The following NPAS3 variants were observed in gnomAD, a reference collection of about 807,000 sequenced individuals.
NPAS3 encodes neuronal PAS domain protein 3.
Under a neutral mutation model 73.1 loss-of-function variants are expected in NPAS3, and 14 were observed. The observed-to-expected ratio is 0.19, with a 90% CI of 0.13 to 0.30. The LOEUF is 0.30. Among genes scored for constraint, NPAS3 ranks in the 10% least tolerant of loss-of-function variants. NPAS3 has a pLI of 1.00. For missense variants in NPAS3, 1,096 were observed against 1,250.0 expected, an observed-to-expected ratio of 0.88 and a Z score of 1.86; for synonymous variants, 620 against 541.5, an observed-to-expected ratio of 1.14 and a Z score of -2.01.
intron 2 of NPAS3, among the ~76,000 whole-genome samples, chr14:33,072,102 T>G: frequency 6.6e-6 from 1 of 152,072 alleles, no homozygotes; most frequent in East Asian, 1.9e-4. Flanking sequence ...AGTTGGACAG[T>G]CTGGTCTCAA....
At chr14:33,564,404 T>C (rs1051286795) in intron 5 of NPAS3, among the ~76,000 whole-genome samples, 1 of 152,164 alleles carries the variant, frequency 6.6e-6, no homozygotes, top group Non-Finnish European at 1.5e-5. Flanking sequence ...CTGGAGTCCA[T>C]ATTCACAGCA....
chr14:33,772,895 G>A (rs1032545512), intron 7 of NPAS3, among the ~76,000 whole-genome samples: 1 of 152,106 alleles, frequency 6.6e-6, no homozygotes, highest in Non-Finnish European at 1.5e-5. Context: ...AGCTGCTGCT[G>A]AAATAACCTA....
At chr14:33,374,700 G>A (rs556924818) in intron 4 of NPAS3, among the ~76,000 whole-genome samples, 1,622 of 131,694 alleles carry the variant, frequency 0.012, 14 homozygotes, top group Admixed American at 0.034. Flanking sequence ...GGGGTGTGTC[G>A]GGGCGGGGGG....
At chr14:33,603,714 A>T (rs1163393646) in intron 5 of NPAS3, among the ~76,000 whole-genome samples, 4 of 152,168 alleles carry the variant, frequency 2.6e-5, no homozygotes, top group Non-Finnish European at 1.5e-5. Context: ...ATGATACTGG[A>T]TGTAAATATT....
At chr14:32,979,434 T>C (rs1027744693) in intron 1 of NPAS3, among the ~76,000 whole-genome samples, 2 of 152,168 alleles carry the variant, frequency 1.3e-5, no homozygotes, top group African/African-American at 4.8e-5. Context: ...AAATCCTTTG[T>C]GGTAGGTAGC....
intron 3 of NPAS3, among the ~76,000 whole-genome samples, chr14:33,230,580 A>G (rs1250911346): frequency 2.6e-5 from 4 of 152,206 alleles, no homozygotes; most frequent in African/African-American, 4.8e-5. Context: ...ATATGAAATC[A>G]TATACTCCAA....
intron 1 of NPAS3, among the ~76,000 whole-genome samples, chr14:33,007,067 TCA>T (rs760384574): frequency 6.6e-6 from 1 of 152,226 alleles, no homozygotes; most frequent in South Asian, 2.1e-4. Flanking sequence ...AACGTAGATG[TCA>T]CAGTCAGTGG....
intron 2 of NPAS3, among the ~76,000 whole-genome samples, chr14:33,131,611 A>G (rs1332663611): frequency 6.6e-6 from 1 of 152,048 alleles, no homozygotes; most frequent in South Asian, 2.1e-4. Context: ...CTTTTTTGTC[A>G]TCTAATAATC....
At chr14:33,324,732 T>C (rs2043613795) in intron 3 of NPAS3, among the ~76,000 whole-genome samples, 1 of 152,208 alleles carries the variant, frequency 6.6e-6, no homozygotes, top group African/African-American at 2.4e-5. Context: ...ATGGCTCTTT[T>C]GGTGTCCTTC....
intron 3 of NPAS3, among the ~76,000 whole-genome samples, chr14:33,312,175 A>G (rs1267774024): frequency 6.6e-6 from 1 of 152,134 alleles, no homozygotes. Flanking sequence ...AGATAAGAAC[A>G]GTCTCAAGAT....
At chr14:33,618,441 TC>T (rs1159339509) in intron 5 of NPAS3, among the ~76,000 whole-genome samples, 1 of 152,030 alleles carries the variant, frequency 6.6e-6, no homozygotes, top group Non-Finnish European at 1.5e-5. Context: ...GCAACCTAGA[TC>T]CCTCCCATGC....
intron 1 of NPAS3, among the ~76,000 whole-genome samples, chr14:33,000,134 A>C (rs1299866936): frequency 6.6e-6 from 1 of 152,146 alleles, no homozygotes; most frequent in Non-Finnish European, 1.5e-5. Context: ...TGGTGCCTGG[A>C]GAGTGTCAAC....
chr14:33,547,551 G>A (rs998729419), intron 4 of NPAS3, among the ~76,000 whole-genome samples: 5 of 152,244 alleles, frequency 3.3e-5, no homozygotes, highest in African/African-American at 9.6e-5. Flanking sequence ...CATTGGCTGC[G>A]AAGTACGGTC....
At chr14:33,693,881 GT>G (rs1183107866) in intron 6 of NPAS3, among the ~76,000 whole-genome samples, 6 of 151,994 alleles carry the variant, frequency 3.9e-5, no homozygotes, top group Admixed American at 3.3e-4. Context: ...CTTGTGTTTT[GT>G]TCTTCATCAT....
At chr14:32,993,149 CAAAA>C (rs538579532) in intron 1 of NPAS3, among the ~76,000 whole-genome samples, 1 of 92,076 alleles carries the variant, frequency 1.1e-5, no homozygotes. Flanking sequence ...AACTTCGTCT[CAAAA>C]AAAAAAAAAA....
intron 2 of NPAS3, among the ~76,000 whole-genome samples, chr14:33,080,199 C>T (rs773791553): frequency 3.3e-5 from 5 of 152,028 alleles, no homozygotes; most frequent in Non-Finnish European, 4.4e-5. Flanking sequence ...TCTCTGCCTC[C>T]GGGGTTCACA....
intron 1 of NPAS3, among the ~76,000 whole-genome samples, chr14:32,998,452 AGGTAGT>A: frequency 6.6e-6 from 1 of 152,250 alleles, no homozygotes; most frequent in East Asian, 1.9e-4. Flanking sequence ...AATTAGATAG[AGGTAGT>A]GGTTTCACAT....
In NPAS3 at chr14:33,622,859, A is replaced by C. The variant is rs143593705; in HGVS notation, c.559-53352A>C. 3.5e-3 allele frequency among the ~76,000 whole-genome samples: 529 copies of C among 152,320 alleles called. 4 individuals carry two copies. Among genetic ancestry groups the C allele is most frequent in the African/African-American group, 0.012 (509 of 41,562 alleles). ...TTTTTTCCCAATCAGTCAAGAATGC[A>C]TTAAGTAATTCTACTTGCCCGGCAC... On this transcript the variant is annotated intron_variant, in intron 5 of 11. Coordinates refer to ENST00000356141, the Ensembl canonical transcript of NPAS3.
At chr14:33,195,012 A>G (rs1250531602) in intron 2 of NPAS3, among the ~76,000 whole-genome samples, 1 of 152,124 alleles carries the variant, frequency 6.6e-6, no homozygotes, top group Non-Finnish European at 1.5e-5. Flanking sequence ...GTATCTACCC[A>G]TGGTCAAAAG....
Sources: gnomAD v4.1 joint callset for allele counts (sites outside exome capture counted in the v4.1 genomes callset) on GRCh38, gnomAD v4.1.1 for gene constraint, MANE v1.5 for transcripts, NCBI Gene and HGNC (gene_info 2026-07-23, HGNC 2026-07-21) for gene names.